The following ACOT11 variants were observed in gnomAD, a reference collection of about 807,000 sequenced individuals.
The protein encoded by ACOT11 is acyl-CoA thioesterase 11, also known as acyl-coenzyme A thioesterase 11.
A neutral mutation model predicts 77.5 loss-of-function variants in ACOT11; 69 were observed. The observed-to-expected ratio is 0.89, with a 90% CI of 0.73 to 1.09. ACOT11 has a LOEUF of 1.09. Among genes scored for constraint, ACOT11 ranks in the 50% least tolerant of loss-of-function variants. The probability of loss-of-function intolerance (pLI) is 0.00; values close to 1 mark genes in which losing one functional copy is unlikely to be tolerated. For synonymous variants in ACOT11, 279 were observed against 313.0 expected (o/e 0.89, Z 1.15); for missense variants, 766 against 813.7 (o/e 0.94, Z 0.71).
At chr1:54,551,732 G>GTTTTGTTTTTGT (rs200918442) in intron 1 of ACOT11, among the ~76,000 whole-genome samples, 3,057 of 149,906 alleles carry the variant, frequency 0.02, 119 homozygotes, top group African/African-American at 0.072. Context: ...TTTTTGTTTT[G>GTTTTGTTTTTGT]TTTTGTTTTT....
chr1:54,583,159 ACC>A (rs1654378878), intron 1 of ACOT11, among the ~76,000 whole-genome samples: 1 of 152,058 alleles, frequency 6.6e-6, no homozygotes, highest in African/African-American at 2.4e-5. Flanking sequence ...GCAGCCTGGC[ACC>A]CTGCAGGCCT....
chr1:54,584,406 G>A lies in ACOT11; in HGVS notation c.34-249G>A, dbSNP rs1014715369. Among the ~76,000 whole-genome samples, 4 of 152,300 alleles carry A rather than the reference G, an allele frequency of 2.6e-5. No individual in the cohort carries two copies. The highest frequency in any genetic ancestry group is 7.2e-5 in the African/African-American group (3 of 41,566). On this transcript the variant is annotated intron_variant, in intron 1 of 15. Transcript: ENST00000343744. This position sits in a 1 kb window ranked among gnomAD's most constrained non-coding sequence, Gnocchi z 6.3. ...TGGTTTTGTCTCCACTGGCCCACTCGGGTGCAAGGCCGTGTTCATGTGCAG... is the reference window on the plus strand; with the variant it reads ...TGGTTTTGTCTCCACTGGCCCACTCAGGTGCAAGGCCGTGTTCATGTGCAG...
intron 2 of ACOT11, 43 bp from the exon 3 acceptor site, chr1:54,585,792 C>CG: frequency 6.2e-7 from 1 of 1,607,200 alleles, no homozygotes; most frequent in Non-Finnish European, 8.5e-7. Context: ...GGCCTGTGAT[C>CG]GGGGGAGGCT....
At chr1:54,636,558 A>ACATTC (rs1268494575) in exon 17 of ACOT11, 1 of 152,212 alleles carries the variant, frequency 6.6e-6, no homozygotes, top group Non-Finnish European at 1.5e-5. Flanking sequence ...TTACACCCAG[A>ACATTC]CATTCCATTG....
intron 3 of ACOT11, among the ~76,000 whole-genome samples, chr1:54,589,972 C>T (rs575174129): frequency 1.3e-5 from 2 of 152,094 alleles, no homozygotes; most frequent in East Asian, 3.9e-4. Flanking sequence ...CCTGTAGTCC[C>T]AGCTACTCCG....
At chr1:54,608,217 AG>A (rs1644055143) in intron 15 of ACOT11, 149 bp downstream of exon 15, 1 of 730,128 alleles carries the variant, frequency 1.4e-6, no homozygotes, top group South Asian at 2.0e-5. Context: ...TGAGAGTGTC[AG>A]GGGCTGAAAA....
At chr1:54,569,059 C>G (rs1233330257) in intron 1 of ACOT11, among the ~76,000 whole-genome samples, 1 of 149,812 alleles carries the variant, frequency 6.7e-6, no homozygotes, top group Admixed American at 6.7e-5. Flanking sequence ...TGCAGTGAGC[C>G]AAGATTAAGC....
intron 1 of ACOT11, among the ~76,000 whole-genome samples, chr1:54,564,483 C>A (rs1653666353): frequency 6.6e-6 from 1 of 152,112 alleles, no homozygotes; most frequent in Non-Finnish European, 1.5e-5. Context: ...TGGGGCGTGG[C>A]CCTGCCCAGG....
chr1:54,612,802 G>T, downstream of ACOT11: 2 of 899,382 alleles, frequency 2.2e-6, no homozygotes, highest in Non-Finnish European at 1.8e-6. Flanking sequence ...GAGTGGCAGA[G>T]CCTATTGGAT....
intron 4 of ACOT11, among the ~76,000 whole-genome samples, chr1:54,593,397 C>T (rs1654780187): frequency 6.6e-6 from 1 of 151,978 alleles, no homozygotes; most frequent in African/African-American, 2.4e-5. Context: ...CTGCCTCAGC[C>T]TCCTGAGTAG....
intron 1 of ACOT11, among the ~76,000 whole-genome samples, chr1:54,552,978 C>A (rs550052533): frequency 6.6e-6 from 1 of 151,656 alleles, no homozygotes; most frequent in African/African-American, 2.4e-5. Flanking sequence ...CAGGCATGTG[C>A]CACCATGCCT....
chr1:54,566,404 C>G (rs1409480478), intron 1 of ACOT11, among the ~76,000 whole-genome samples: 1 of 150,082 alleles, frequency 6.7e-6, no homozygotes, highest in Non-Finnish European at 1.5e-5. Flanking sequence ...TTGCAGTGAG[C>G]CGAGATTGTG....
At chr1:54,553,494 A>G (rs72901622) in intron 1 of ACOT11, among the ~76,000 whole-genome samples, 14,512 of 151,862 alleles carry the variant, frequency 0.096, 1,246 homozygotes, top group African/African-American at 0.22. Context: ...AAAAAAATGG[A>G]CAGGTAATAT....
At position 54,601,406 on chromosome 1, in the gene ACOT11, A is replaced by G; in HGVS notation, c.1022A>G (p.Gln341Arg). ...QPQLLPWIRP[Q>R]PGDGERRYRE... ...CAGTTGCTGCCCTGGATTCGGCCCCAGCCCGGCGTAAGTGGGACCAGCGCC... is the reference window on the plus strand; with the variant it reads ...CAGTTGCTGCCCTGGATTCGGCCCCGGCCCGGCGTAAGTGGGACCAGCGCC... Residue 341 changes from glutamine (Q) to arginine (R), a missense_variant, in exon 9 of 16, where the codon CAG becomes CGG. Gln to Arg is a conservative substitution (Grantham distance 43, BLOSUM62 1). Transcript: ENST00000343744. The G allele has an allele frequency of 6.2e-7, 1 of 1,612,216 alleles. No homozygotes were observed. The highest frequency in any genetic ancestry group is 8.5e-7 in the Non-Finnish European group (1 of 1,179,868).
chr1:54,564,898 G>T (rs1471759170), intron 1 of ACOT11, among the ~76,000 whole-genome samples: 2 of 152,186 alleles, frequency 1.3e-5, no homozygotes, highest in Non-Finnish European at 2.9e-5. Flanking sequence ...GAGAAGGGGT[G>T]TTAAGAGATC....
chr1:54,577,319 GC>G (rs1378761438), intron 1 of ACOT11, among the ~76,000 whole-genome samples: 1 of 152,010 alleles, frequency 6.6e-6, no homozygotes, highest in African/African-American at 2.4e-5. Flanking sequence ...TCTGCCCCCA[GC>G]CCCGGCAACC....
intron 1 of ACOT11, among the ~76,000 whole-genome samples, chr1:54,568,631 T>C (rs142899485): frequency 0.013 from 1,983 of 152,302 alleles, 32 homozygotes; most frequent in East Asian, 0.038. Context: ...CTGAAAGTGC[T>C]GGGATTACAG....
Position 54,616,371 on chromosome 1 carries a change from G to GT in ACOT11, c.1629+8313dup, listed in dbSNP as rs879271475. ...CATTTTCTTCTATGCATAGGTTTTT[G>GT]TTTTTTTTTTGAGACGGAGTCTTGC... On this transcript the variant is annotated intron_variant, in intron 15 of 16. Coordinates refer to the ACOT11 transcript ENST00000371316. 5.3e-3 allele frequency among the ~76,000 whole-genome samples: 782 copies of GT among 148,120 alleles called. 5 individuals carry two copies. Among genetic ancestry groups the GT allele is most frequent in the African/African-American group, 0.012 (472 of 40,512 alleles).
intron 16 of ACOT11, among the ~76,000 whole-genome samples, chr1:54,631,946 G>A (rs1393122083): frequency 5.9e-5 from 9 of 152,162 alleles, no homozygotes; most frequent in Admixed American, 1.3e-4. Flanking sequence ...GGTAATCTGC[G>A]TAAAGCTACC....
Sources: gnomAD v4.1 joint callset for allele counts (sites outside exome capture counted in the v4.1 genomes callset) on GRCh38, gnomAD v4.1.1 for gene constraint, Gnocchi (gnomAD v3.1) non-coding constraint, MANE v1.5 for transcripts, NCBI Gene and HGNC (gene_info 2026-07-23, HGNC 2026-07-21) for gene names.